The following SH2D4B variants were observed in gnomAD, a reference collection of about 807,000 sequenced individuals.
The protein encoded by SH2D4B is SH2 domain containing 4B.
SH2D4B carries 45 observed loss-of-function variants against 61.5 expected under a neutral mutation model. The observed-to-expected ratio is 0.73, with a 90% CI of 0.58 to 0.94. The LOEUF is 0.94. Ranked by LOEUF, SH2D4B falls within the 40% of genes least tolerant of loss-of-function variation. The pLI is 0.00. For missense variants in SH2D4B, 572 were observed against 574.2 expected, an observed-to-expected ratio of 1.00 and a Z score of 0.04; for synonymous variants, 224 against 220.4, an observed-to-expected ratio of 1.02 and a Z score of -0.14.
chr10:80,587,833 A>G (rs1842278467), intron 3 of SH2D4B, among the ~76,000 whole-genome samples: 1 of 152,180 alleles, frequency 6.6e-6, no homozygotes, highest in Non-Finnish European at 1.5e-5. Flanking sequence ...TATAAGTGAG[A>G]ACATGCAGTG....
intron 5 of SH2D4B, among the ~76,000 whole-genome samples, chr10:80,605,517 T>C (rs1265094188): frequency 2.0e-5 from 3 of 152,192 alleles, no homozygotes; most frequent in Non-Finnish European, 4.4e-5. Flanking sequence ...TTCTTTTATA[T>C]CTTCTTTTTT....
intron 3 of SH2D4B, among the ~76,000 whole-genome samples, chr10:80,586,267 C>T (rs1022718518): frequency 2.6e-5 from 4 of 152,208 alleles, no homozygotes; most frequent in Admixed American, 2.0e-4. Flanking sequence ...GGGCGCACGG[C>T]GTGGGACTGG....
intron 1 of SH2D4B, chr10:80,541,063 A>G (rs1459677551): frequency 5.4e-6 from 4 of 735,944 alleles, no homozygotes; most frequent in Non-Finnish European, 9.6e-6. Flanking sequence ...TTGAGAGAGA[A>G]GTGCGGGCGT....
chr10:80,552,126 C>T (rs1841769440), intron 1 of SH2D4B, among the ~76,000 whole-genome samples: 1 of 152,216 alleles, frequency 6.6e-6, no homozygotes, highest in South Asian at 2.1e-4. Flanking sequence ...TACCATTACA[C>T]TGGGACTAGG....
intron 1 of SH2D4B, among the ~76,000 whole-genome samples, chr10:80,567,686 C>T (rs1039957846): frequency 2.0e-5 from 3 of 152,198 alleles, no homozygotes; most frequent in Non-Finnish European, 2.9e-5. Flanking sequence ...CAGGTCAGGA[C>T]CGCAAAGTTT....
chr10:80,554,326 T>C (rs1291567355), intron 1 of SH2D4B, among the ~76,000 whole-genome samples: 1 of 152,218 alleles, frequency 6.6e-6, no homozygotes, highest in African/African-American at 2.4e-5. Flanking sequence ...GTCCATAGTG[T>C]CTCCTGGTTT....
At position 80,538,433 on chromosome 10, in the gene SH2D4B, G is replaced by A. The variant is rs1244158447; in HGVS notation, c.102G>A (p.Glu34=). The A allele has an allele frequency of 6.7e-7, 1 of 1,496,726 alleles. No homozygotes were observed. Among genetic ancestry groups the A allele is most frequent in the South Asian group, 1.3e-5 (1 of 75,706 alleles). 92.7% of individuals were successfully genotyped at this position (1,496,726 alleles called of 1,614,324 possible). ...KHILFYKMRE[E]QLRRWKERET... is the part of the protein sequence containing the mutation. ...TCCTCTTCTACAAAATGCGGGAGGA[G>A]CAGCTGAGGCGCTGGAAGGAGCGGG... is the stretch of plus-strand genomic sequence containing the variant. The change falls in exon 1 of 8, where the codon GAG becomes GAA. Residue 34 remains glutamate (E), a synonymous_variant. Coordinates refer to ENST00000646907, the MANE Select transcript of SH2D4B (RefSeq NM_001388272.1). The surrounding 1 kb of genome is among the most constrained non-coding windows in gnomAD (Gnocchi z 4.8).
intron 1 of SH2D4B, among the ~76,000 whole-genome samples, chr10:80,566,419 C>T (rs1841969924): frequency 6.6e-6 from 1 of 151,664 alleles, no homozygotes; most frequent in South Asian, 2.1e-4. Flanking sequence ...CCTCAGCCTC[C>T]CGAGTAGCTG....
chr10:80,580,262 G>A (rs1564773988), intron 3 of SH2D4B, among the ~76,000 whole-genome samples: 2 of 152,300 alleles, frequency 1.3e-5, no homozygotes, highest in South Asian at 2.1e-4. Context: ...CTGGTAGCAG[G>A]CACTTTGAGG....
chr10:80,594,029 T>C (rs1589349318), intron 4 of SH2D4B, among the ~76,000 whole-genome samples: 1 of 152,132 alleles, frequency 6.6e-6, no homozygotes, highest in East Asian at 1.9e-4. Flanking sequence ...CCCAGTCTGG[T>C]CTTAAAACTC....
Position 80,538,414 on chromosome 10 carries a change from TC to T in SH2D4B, c.84del (p.Tyr29ThrfsTer8). 6.7e-7 allele frequency: 1 copy of T among 1,490,130 alleles called. No individual in the cohort carries two copies. The allele number at this position is 1,490,130 out of a possible 1,614,324, so 92.3% of individuals were successfully genotyped here. On this transcript the variant is annotated frameshift_variant, in exon 1 of 8. Transcript: ENST00000646907. LOFTEE classifies it high-confidence loss of function. The surrounding 1 kb of genome is among the most constrained non-coding windows in gnomAD (Gnocchi z 4.8). ...ELSDVQKHIL[F>X]YKMREEQLRR... ...AGCGATGTGCAGAAGCACATCCTCT[TC>T]TACAAAATGCGGGAGGAGCAGCTGA...
At chr10:80,617,999 G>A (rs1434191939) in intron 6 of SH2D4B, among the ~76,000 whole-genome samples, 7 of 152,200 alleles carry the variant, frequency 4.6e-5, no homozygotes, top group African/African-American at 1.7e-4. Flanking sequence ...CTAGCCCTGG[G>A]TCATATGATC....
chr10:80,612,182 CTTTT>C (rs796771295), intron 6 of SH2D4B, among the ~76,000 whole-genome samples: 1,153 of 62,976 alleles, frequency 0.018, 11 homozygotes, highest in Non-Finnish European at 0.028. Flanking sequence ...CCCACTCCTG[CTTTT>C]TTTTTTTTTT....
intron 1 of SH2D4B, among the ~76,000 whole-genome samples, chr10:80,563,024 C>G (rs1841922595): frequency 6.6e-6 from 1 of 150,634 alleles, no homozygotes; most frequent in African/African-American, 2.4e-5. Flanking sequence ...GCCTCAGCCT[C>G]CCAAGTAGCT....
At chr10:80,581,882 CT>C (rs1252255865) in intron 3 of SH2D4B, among the ~76,000 whole-genome samples, 1 of 152,132 alleles carries the variant, frequency 6.6e-6, no homozygotes, top group East Asian at 1.9e-4. Flanking sequence ...GGGGTGGGTC[CT>C]TTGGTATACT....
chr10:80,563,092 G>A (rs1324044087), intron 1 of SH2D4B, among the ~76,000 whole-genome samples: 3 of 151,300 alleles, frequency 2.0e-5, no homozygotes, highest in Admixed American at 1.3e-4. Flanking sequence ...TAGTAGAGAC[G>A]GGGTTTCACC....
intron 5 of SH2D4B, among the ~76,000 whole-genome samples, chr10:80,608,542 A>G (rs1842548168): frequency 6.6e-6 from 1 of 152,134 alleles, no homozygotes; most frequent in Admixed American, 6.5e-5. Context: ...GCCCGAGTGC[A>G]GGGGGGTCTC....
intron 3 of SH2D4B, among the ~76,000 whole-genome samples, chr10:80,587,355 A>G (rs1842271792): frequency 6.6e-6 from 1 of 151,768 alleles, no homozygotes; most frequent in Non-Finnish European, 1.5e-5. Context: ...ATCTCAGCTC[A>G]CTGCAACCTC....
chr10:80,546,016 T>TTC (rs1841673863), intron 1 of SH2D4B, among the ~76,000 whole-genome samples: 1 of 149,968 alleles, frequency 6.7e-6, no homozygotes, highest in Admixed American at 6.6e-5. Context: ...CTCTCTTTCT[T>TTC]TCTTTCTCTT....
Sources: gnomAD v4.1 joint callset for allele counts (sites outside exome capture counted in the v4.1 genomes callset) on GRCh38, gnomAD v4.1.1 for gene constraint, Gnocchi (gnomAD v3.1) non-coding constraint, MANE v1.5 for transcripts, NCBI Gene and HGNC (gene_info 2026-07-23, HGNC 2026-07-21) for gene names.